The following GIN1 variants were observed in gnomAD, a reference collection of about 807,000 sequenced individuals.
The protein encoded by GIN1 is gypsy retrotransposon integrase-like protein 1.
GIN1 carries 41 observed loss-of-function variants against 51.4 expected under a neutral mutation model. That is an observed-to-expected ratio of 0.80 (90% CI 0.62 to 1.04). The LOEUF is 1.04. Ranked by LOEUF, GIN1 falls within the 50% of genes least tolerant of loss-of-function variation. GIN1 has a pLI of 0.00. For missense variants in GIN1, 610 were observed against 612.4 expected, an observed-to-expected ratio of 1.00 and a Z score of 0.04; for synonymous variants, 222 against 206.5, an observed-to-expected ratio of 1.07 and a Z score of -0.64.
At chr5:103,096,296 C>T (rs782638340) in intron 7 of GIN1, among the ~76,000 whole-genome samples, 18 of 151,860 alleles carry the variant, frequency 1.2e-4, no homozygotes, top group African/African-American at 2.2e-4. Context: ...GCCAAGATCG[C>T]GCCATTGCAC....
In GIN1 at chr5:103,104,725, T is replaced by C; in HGVS notation, c.455A>G (p.His152Arg). 1.9e-6 allele frequency: 3 copies of C among 1,612,620 alleles called. No homozygotes were observed. Among genetic ancestry groups the C allele is most frequent in the South Asian group, 1.1e-5 (1 of 91,044 alleles). Reference sequence around the variant, plus strand: ...ATATACATGACTTCTGTTGCTTGTATGAAAAGGCCCCATCAGATCAACAGT... The same window carrying C: ...ATATACATGACTTCTGTTGCTTGTACGAAAAGGCCCCATCAGATCAACAGT... Reference protein sequence around the residue: ...LVTVDLMGPFHTSNRSHVYAI... With the variant: ...LVTVDLMGPFRTSNRSHVYAI... Residue 152 changes from histidine (H) to arginine (R), a missense_variant, in exon 4 of 8, where the codon CAT becomes CGT. Transcript: ENST00000399004.
In GIN1 at chr5:103,115,030, A is replaced by G. The variant is rs1366855672; in HGVS notation, c.-8+5034T>C. 4.6e-5 allele frequency among the ~76,000 whole-genome samples: 7 copies of G among 152,292 alleles called. No individual in the cohort carries two copies. The East Asian group carries it at 5.8e-4, about 13-fold the overall frequency. On this transcript the variant is annotated intron_variant, in intron 1 of 7. Transcript: ENST00000399004. ...ATGGAAATTCAGAAAGTGGATTTAG[A>G]AACTTGGGCTTAGCTATAAAGGCAA...
At chr5:103,104,947 A>G (rs909307383) in intron 3 of GIN1, 101 bp from the exon 4 acceptor site, 1 of 708,112 alleles carries the variant, frequency 1.4e-6, no homozygotes, top group Admixed American at 3.1e-5. Flanking sequence ...GTTAATAGGT[A>G]TACTTTGTGT....
In GIN1 at chr5:103,108,560, T is replaced by C; in HGVS notation, c.139+9A>G. The C allele has an allele frequency of 6.4e-7, 1 of 1,571,112 alleles. No homozygotes were observed. Among genetic ancestry groups the C allele is most frequent in the Non-Finnish European group, 8.7e-7 (1 of 1,147,256 alleles). ...AACTCAATAATCAAAATTTGAACAT[T>C]AATTTTACCTTTGAAGACAAATTTT... On this transcript the variant is annotated intron_variant, in intron 2 of 7. Coordinates refer to ENST00000399004, the MANE Select transcript of GIN1 (RefSeq NM_017676.2).
At chr5:103,094,951 G>A (rs782564896) in intron 7 of GIN1, among the ~76,000 whole-genome samples, 2 of 152,164 alleles carry the variant, frequency 1.3e-5, no homozygotes, top group Middle Eastern at 3.2e-3. Flanking sequence ...GTCACAAGAA[G>A]GAAAGGTACT....
chr5:103,108,771 T>G (rs913797593), intron 1 of GIN1, 57 bp from the exon 2 acceptor site: 2 of 1,084,490 alleles, frequency 1.8e-6, no homozygotes, highest in Middle Eastern at 2.0e-4. Flanking sequence ...GAATTGCTAT[T>G]TCAGTTAAGA....
In GIN1 at chr5:103,087,862, T is replaced by C. The variant is rs1554194058; in HGVS notation, c.*36A>G. ...AATAAGATATCATTAAGAATTTATA[T>C]TCTAAACAAACAATTTAAATAAATT... On this transcript the variant is annotated 3_prime_UTR_variant, in exon 8 of 8. Coordinates refer to ENST00000399004, the MANE Select transcript of GIN1 (RefSeq NM_017676.2). The C allele has an allele frequency of 1.1e-6, 1 of 883,690 alleles. No individual in the cohort carries two copies. The highest frequency in any genetic ancestry group is 2.7e-5 in the East Asian group (1 of 37,228). 54.7% of individuals were successfully genotyped at this position (883,690 alleles called of 1,614,324 possible).
At position 103,104,611 on chromosome 5, in the gene GIN1, A is replaced by T. The variant is rs782813782; in HGVS notation, c.569T>A (p.Ile190Asn). ...VSASEVSKAI[I>N]NIFFLYGPPQ... ...AGGTCCATATAAGAAAAATATATTG[A>T]TAATAGCTTTAGAAACTTCTGATGC... is the stretch of plus-strand genomic sequence containing the variant. The change falls in exon 4 of 8, where the codon ATC becomes AAC. Residue 190 changes from isoleucine to asparagine, a missense_variant. Coordinates refer to ENST00000399004, the MANE Select transcript of GIN1 (RefSeq NM_017676.2). 7 of 1,573,810 alleles carry T rather than the reference A, an allele frequency of 4.4e-6. No individual in the cohort carries two copies. The highest frequency in any genetic ancestry group is 6.1e-6 in the Non-Finnish European group (7 of 1,143,518).
chr5:103,107,787 G>A (rs1351338984), intron 2 of GIN1, among the ~76,000 whole-genome samples: 3 of 152,026 alleles, frequency 2.0e-5, no homozygotes, highest in African/African-American at 7.2e-5. Flanking sequence ...AGAGGTAATA[G>A]GTCTGCCTAA....
intron 7 of GIN1, among the ~76,000 whole-genome samples, chr5:103,092,030 A>T (rs574916505): frequency 1.3e-5 from 2 of 152,046 alleles, no homozygotes; most frequent in Admixed American, 1.3e-4. Context: ...CATCTCAAAA[A>T]AAAAAAAAGA....
At chr5:103,107,571 T>C (rs1191840820) in intron 2 of GIN1, among the ~76,000 whole-genome samples, 1 of 152,114 alleles carries the variant, frequency 6.6e-6, no homozygotes, top group Non-Finnish European at 1.5e-5. Flanking sequence ...ATTCAGCTAC[T>C]AATATGAGTA....
chr5:103,112,199 T>A lies in GIN1; in HGVS notation c.-7-3485A>T, dbSNP rs538333737. ...TATATCTATGTTAGGGAGAGGGACA[T>A]AAACATCATTGGGAGAAGACATAAA... On this transcript the variant is annotated intron_variant, in intron 1 of 7. Coordinates refer to ENST00000399004, the MANE Select transcript of GIN1 (RefSeq NM_017676.2). Among the ~76,000 whole-genome samples, 108 of 152,244 alleles carry A rather than the reference T, an allele frequency of 7.1e-4. 1 individual carries two copies. The Middle Eastern group carries it at 0.01, about 14-fold the overall frequency.
intron 1 of GIN1, among the ~76,000 whole-genome samples, chr5:103,117,583 C>T (rs201426950): frequency 1.2e-4 from 15 of 121,834 alleles, no homozygotes; most frequent in East Asian, 3.0e-4. Flanking sequence ...AAAAAATATA[C>T]ACACACACAC....
chr5:103,096,645 G>C lies in GIN1; in HGVS notation c.1190C>G (p.Thr397Arg). ...TCTCAGGACAGCACATCCACTTTCT[G>C]TAATATAGTCTATGACACAAGGACC... Reference protein sequence around the residue: ...WVGPCVIDYITESGCAVLRDN... With the variant: ...WVGPCVIDYIRESGCAVLRDN... Residue 397 changes from threonine (T) to arginine (R), a missense_variant, in exon 7 of 8, where the codon ACA becomes AGA. Physicochemically the swap from Thr to Arg is moderately conservative, Grantham distance 71 (BLOSUM62 -1). Transcript: ENST00000399004. 2 of 1,613,476 alleles carry C rather than the reference G, an allele frequency of 1.2e-6. No individual in the cohort carries two copies. Among genetic ancestry groups the C allele is most frequent in the Non-Finnish European group, 1.7e-6 (2 of 1,179,498 alleles).
intron 5 of GIN1, 34 bp from the exon 6 acceptor site, chr5:103,097,524 T>G (rs1554195259): frequency 1.3e-6 from 2 of 1,483,526 alleles, no homozygotes; most frequent in East Asian, 2.3e-5. Flanking sequence ...AATTTTGTAA[T>G]AAAACATTTA....
At chr5:103,114,708 T>TA (rs1554197206) in intron 1 of GIN1, among the ~76,000 whole-genome samples, 1 of 152,188 alleles carries the variant, frequency 6.6e-6, no homozygotes, top group Non-Finnish European at 1.5e-5. Flanking sequence ...TTCACAGTAA[T>TA]ATGTGTCAAC....
At chr5:103,100,378 C>G (rs999811306) in intron 4 of GIN1, among the ~76,000 whole-genome samples, 2 of 151,272 alleles carry the variant, frequency 1.3e-5, no homozygotes, top group Non-Finnish European at 2.9e-5. Flanking sequence ...AGCCACTGAG[C>G]ACAGCCTATT....
At position 103,086,083 on chromosome 5, in the gene GIN1, G is replaced by C. The variant is rs189888472; in HGVS notation, c.*1815C>G. 7.9e-5 allele frequency: 12 copies of C among 152,276 alleles called. No individual in the cohort carries two copies. The highest frequency in any genetic ancestry group is 1.3e-4 in the Non-Finnish European group (9 of 68,022). 9.4% of individuals were successfully genotyped at this position (152,276 alleles called of 1,614,324 possible). On this transcript the variant is annotated 3_prime_UTR_variant, in exon 8 of 8. Coordinates refer to ENST00000399004, the MANE Select transcript of GIN1 (RefSeq NM_017676.2). ...GGTATTGACAGGGTTGGTCTTCTGA[G>C]GAATGAGGAAAAATGTATTCAATGC...
intron 7 of GIN1, among the ~76,000 whole-genome samples, chr5:103,088,582 CA>C (rs1787146377): frequency 6.6e-6 from 1 of 152,168 alleles, no homozygotes; most frequent in South Asian, 2.1e-4. Context: ...TGCTTAAGCC[CA>C]GGAGTTCAAG....
Sources: allele counts gnomAD v4.1 joint callset (sites outside exome capture counted in the v4.1 genomes callset), GRCh38; gene constraint gnomAD v4.1.1; transcripts MANE v1.5; gene names NCBI Gene and HGNC (gene_info 2026-07-23, HGNC 2026-07-21).